BNC2: variants seen among roughly 807,000 people sequenced by gnomAD.
BNC2 encodes basonuclin zinc finger protein 2, also known as zinc finger protein basonuclin-2.
In BNC2, 20 loss-of-function variants were observed where a neutral mutation model predicts 76.3. The ratio of observed to expected loss-of-function variants is 0.26; its 90% CI spans 0.18 to 0.38. The LOEUF (loss-of-function observed/expected upper bound fraction) is 0.38, where lower values mean the gene tolerates loss of function less well. Among genes scored for constraint, BNC2 ranks in the 10% least tolerant of loss-of-function variants. BNC2 has a pLI of 1.00. For synonymous variants in BNC2, 582 were observed against 514.8 expected, an observed-to-expected ratio of 1.13 and a Z score of -1.77; for missense variants, 1,382 against 1,399.8, an observed-to-expected ratio of 0.99 and a Z score of 0.20.
chr9:16,552,280 G>A (rs1352790581), intron 5 of BNC2, among the ~76,000 whole-genome samples: 4 of 152,142 alleles, frequency 2.6e-5, no homozygotes, highest in Non-Finnish European at 5.9e-5. Flanking sequence ...TAGAGAAAGA[G>A]TTGAATTCAA....
intron 3 of BNC2, among the ~76,000 whole-genome samples, chr9:16,676,742 G>A (rs980831888): frequency 6.6e-6 from 1 of 152,154 alleles, no homozygotes; most frequent in Non-Finnish European, 1.5e-5. Flanking sequence ...AGAAGGTCTC[G>A]AAAATATGTA....
At chr9:16,792,567 A>G (rs1216176156) in intron 1 of BNC2, among the ~76,000 whole-genome samples, 2 of 152,232 alleles carry the variant, frequency 1.3e-5, no homozygotes, top group African/African-American at 4.8e-5. Flanking sequence ...TAGAAAGACC[A>G]TTCCCAGTCT....
chr9:16,441,076 G>A (rs538403485), intron 5 of BNC2, among the ~76,000 whole-genome samples: 3 of 152,182 alleles, frequency 2.0e-5, no homozygotes, highest in South Asian at 4.2e-4. Flanking sequence ...CTATAATCCC[G>A]ACATTTAGGA....
At chr9:16,541,520 C>T (rs1818320669) in intron 5 of BNC2, among the ~76,000 whole-genome samples, 2 of 152,206 alleles carry the variant, frequency 1.3e-5, no homozygotes, top group Non-Finnish European at 2.9e-5. Context: ...ATGGAATATA[C>T]TCAGCAGGAA....
chr9:16,438,309 A>C (rs559078467), intron 5 of BNC2, among the ~76,000 whole-genome samples: 4 of 152,338 alleles, frequency 2.6e-5, no homozygotes, highest in Admixed American at 1.3e-4. Flanking sequence ...TAGATATTTA[A>C]AAAGTAAACA....
chr9:16,628,095 G>C (rs1309881245), intron 3 of BNC2, among the ~76,000 whole-genome samples: 1 of 152,116 alleles, frequency 6.6e-6, no homozygotes, highest in East Asian at 1.9e-4. Flanking sequence ...ACCAGAACTG[G>C]TGAAAAACAT....
chr9:16,509,117 T>G (rs1323187147), intron 5 of BNC2, among the ~76,000 whole-genome samples: 1 of 152,132 alleles, frequency 6.6e-6, no homozygotes, highest in Non-Finnish European at 1.5e-5. Context: ...TAAGCCACCA[T>G]GTTCAGCCAA....
At chr9:16,848,353 T>C (rs1352715393) in intron 1 of BNC2, among the ~76,000 whole-genome samples, 1 of 152,166 alleles carries the variant, frequency 6.6e-6, no homozygotes, top group Non-Finnish European at 1.5e-5. Flanking sequence ...AACATAAAGC[T>C]TGTAATTAAG....
intron 3 of BNC2, among the ~76,000 whole-genome samples, chr9:16,666,363 C>T (rs1248547549): frequency 6.6e-6 from 1 of 152,138 alleles, no homozygotes; most frequent in Non-Finnish European, 1.5e-5. Context: ...TCCTATAACT[C>T]TATATAGAAA....
At chr9:16,584,566 T>C (rs559812326) in intron 3 of BNC2, among the ~76,000 whole-genome samples, 142 of 152,322 alleles carry the variant, frequency 9.3e-4, no homozygotes, top group Non-Finnish European at 1.1e-3. Flanking sequence ...TAGGGAAATA[T>C]TTAATTGTAT....
chr9:16,486,812 A>C (rs1045074563), intron 5 of BNC2, among the ~76,000 whole-genome samples: 1 of 152,072 alleles, frequency 6.6e-6, no homozygotes, highest in Non-Finnish European at 1.5e-5. Flanking sequence ...TGTAACATCA[A>C]ACTCCTGGGC....
At chr9:16,798,472 G>C (rs1223444978) in intron 1 of BNC2, among the ~76,000 whole-genome samples, 2 of 152,142 alleles carry the variant, frequency 1.3e-5, no homozygotes, top group Non-Finnish European at 2.9e-5. Context: ...TTGCAGACAA[G>C]TATGACAAAG....
At chr9:16,664,232 C>T (rs1237797437) in intron 3 of BNC2, among the ~76,000 whole-genome samples, 2 of 152,140 alleles carry the variant, frequency 1.3e-5, no homozygotes, top group African/African-American at 4.8e-5. Flanking sequence ...CCTAAACATA[C>T]TTCAGAGTCC....
chr9:16,635,668 A>G (rs761737320), intron 3 of BNC2, among the ~76,000 whole-genome samples: 24 of 152,234 alleles, frequency 1.6e-4, no homozygotes, highest in Non-Finnish European at 2.6e-4. Flanking sequence ...AGACAATTCT[A>G]TTATACAGAT....
intron 1 of BNC2, among the ~76,000 whole-genome samples, chr9:16,861,755 C>T (rs1181322486): frequency 5.3e-5 from 8 of 152,094 alleles, no homozygotes; most frequent in Admixed American, 2.6e-4. Context: ...TTTGGGAGGC[C>T]GAGGCGGGAG....
At chr9:16,832,301 C>G in intron 1 of BNC2, 1 of 1,277,748 alleles carries the variant, frequency 7.8e-7, no homozygotes, top group Non-Finnish European at 1.0e-6. Context: ...GTCATGTTAT[C>G]AAGGGAAAAG....
intron 5 of BNC2, among the ~76,000 whole-genome samples, chr9:16,545,754 C>A (rs941577485): frequency 6.6e-6 from 1 of 152,150 alleles, no homozygotes; most frequent in African/African-American, 2.4e-5. Flanking sequence ...AGAATAAGCA[C>A]CCTACTACAC....
chr9:16,495,058 C>G (rs1334719273), intron 5 of BNC2, among the ~76,000 whole-genome samples: 1 of 152,084 alleles, frequency 6.6e-6, no homozygotes, highest in Non-Finnish European at 1.5e-5. Context: ...TGTGACTTTC[C>G]ATGAGTTGGA....
At chr9:16,571,212 A>C (rs1310833804) in intron 4 of BNC2, among the ~76,000 whole-genome samples, 2 of 152,168 alleles carry the variant, frequency 1.3e-5, no homozygotes, top group East Asian at 3.9e-4. Flanking sequence ...AGGGCTTCTT[A>C]ATAGCTTTTT....
Sources: allele counts gnomAD v4.1 joint callset (sites outside exome capture counted in the v4.1 genomes callset), GRCh38; gene constraint gnomAD v4.1.1; transcripts MANE v1.5; gene names NCBI Gene and HGNC (gene_info 2026-07-23, HGNC 2026-07-21).